The following PTPRN2 variants were observed in gnomAD, a reference collection of about 807,000 sequenced individuals.
The protein encoded by PTPRN2 is protein tyrosine phosphatase receptor type N2, also known as receptor-type tyrosine-protein phosphatase N2.
A neutral mutation model predicts 118.8 loss-of-function variants in PTPRN2; 74 were observed. The ratio of observed to expected loss-of-function variants is 0.62; its 90% confidence interval spans 0.52 to 0.76. The LOEUF (loss-of-function observed/expected upper bound fraction) is 0.76, where lower values mean the gene tolerates loss of function less well. Ranked by LOEUF, PTPRN2 falls within the 30% of genes least tolerant of loss-of-function variation. The pLI, the probability that PTPRN2 is intolerant of heterozygous loss-of-function variation, is 0.00. For missense variants in PTPRN2, 1,481 were observed against 1,394.4 expected (o/e 1.06, Z -0.99); for synonymous variants, 641 against 608.0 (o/e 1.05, Z -0.80).
At chr7:158,087,158 T>G (rs1472436594) in intron 10 of PTPRN2, among the ~76,000 whole-genome samples, 1 of 152,176 alleles carries the variant, frequency 6.6e-6, no homozygotes, top group Non-Finnish European at 1.5e-5. Flanking sequence ...CTGCTCCTCC[T>G]CCAAATTCTT....
At chr7:158,277,510 C>T (rs535242725) in intron 3 of PTPRN2, among the ~76,000 whole-genome samples, 5 of 152,298 alleles carry the variant, frequency 3.3e-5, no homozygotes, top group East Asian at 3.9e-4. Context: ...CAAGAGGAGG[C>T]GGCTACAGTG....
intron 12 of PTPRN2, among the ~76,000 whole-genome samples, chr7:157,890,040 A>C (rs1350176847): frequency 6.6e-6 from 1 of 151,732 alleles, no homozygotes; most frequent in African/African-American, 2.4e-5. Flanking sequence ...GTTAATGATG[A>C]GTTACCTTGC....
intron 11 of PTPRN2, among the ~76,000 whole-genome samples, chr7:157,920,202 T>C (rs1034852980): frequency 6.6e-6 from 1 of 151,950 alleles, no homozygotes; most frequent in African/African-American, 2.4e-5. Context: ...ACAAAGAAAA[T>C]AAAAATTACT....
intron 2 of PTPRN2, among the ~76,000 whole-genome samples, chr7:158,433,699 A>C (rs897204149): frequency 1.3e-5 from 2 of 151,552 alleles, no homozygotes; most frequent in Non-Finnish European, 2.9e-5. Flanking sequence ...CTATTACATT[A>C]TTTTTCTTTT....
Position 157,563,412 on chromosome 7 carries a change from G to A in PTPRN2, c.2902+5490C>T, listed in dbSNP as rs1367451809. Among the ~76,000 whole-genome samples the A allele has an allele frequency of 1.4e-4, 6 of 42,784 alleles. 1 individual carries two copies. The highest frequency in any genetic ancestry group is 4.5e-4 in the Admixed American group (2 of 4,396). The allele number at this position is 42,784 out of a possible 152,430, so 28.1% of individuals were successfully genotyped here. On this transcript the variant is annotated intron_variant, in intron 21 of 22. Transcript: ENST00000389418. ...ACGTGGTCCCGCATCACCACACACAGCAGATCAGGACCACGTGCTCCCACG... is the reference window on the plus strand; with the variant it reads ...ACGTGGTCCCGCATCACCACACACAACAGATCAGGACCACGTGCTCCCACG...
chr7:157,890,118 C>G (rs892721), intron 12 of PTPRN2, among the ~76,000 whole-genome samples: 130,398 of 151,748 alleles, frequency 0.86, 56,157 homozygotes, highest in East Asian at 1. Context: ...TTTCCTTGCT[C>G]GATGGAGTGT....
intron 5 of PTPRN2, among the ~76,000 whole-genome samples, chr7:158,188,869 G>C (rs1218512887): frequency 4.6e-5 from 7 of 152,306 alleles, no homozygotes; most frequent in African/African-American, 1.7e-4. Flanking sequence ...AAAGACTTCA[G>C]TAAATACAAC....
At chr7:158,234,346 A>G (rs1829377746) in intron 3 of PTPRN2, among the ~76,000 whole-genome samples, 1 of 152,322 alleles carries the variant, frequency 6.6e-6, no homozygotes, top group Admixed American at 6.5e-5. Flanking sequence ...AAACATATAA[A>G]TGGCCAACAG....
chr7:158,564,618 A>C (rs1827567668), intron 1 of PTPRN2, among the ~76,000 whole-genome samples: 4 of 149,532 alleles, frequency 2.7e-5, no homozygotes, highest in East Asian at 2.1e-4. Flanking sequence ...CCCCCTGCCC[A>C]CCCTTCATGC....
Position 157,560,465 on chromosome 7 carries a change from G to GC in PTPRN2, c.2902+8436dup, listed in dbSNP as rs1341086767. On this transcript the variant is annotated intron_variant, in intron 21 of 22. Transcript: ENST00000389418. This position sits in a 1 kb window ranked among gnomAD's most constrained non-coding sequence, Gnocchi z 6.7. ...GCCCTGCCTGGGTGGGGTCAGCCACGCCCCCGGACCACTGCTCCAACCAGC... is the reference window on the plus strand; with the variant it reads ...GCCCTGCCTGGGTGGGGTCAGCCACGCCCCCCGGACCACTGCTCCAACCAGC... 1.3e-5 allele frequency among the ~76,000 whole-genome samples: 2 copies of GC among 152,074 alleles called. No homozygotes were observed. Among genetic ancestry groups the GC allele is most frequent in the Admixed American group, 1.3e-4 (2 of 15,278 alleles).
chr7:157,915,905 A>G (rs1798368297), intron 11 of PTPRN2, among the ~76,000 whole-genome samples: 1 of 152,238 alleles, frequency 6.6e-6, no homozygotes, highest in Non-Finnish European at 1.5e-5. Flanking sequence ...GCGTACCAGC[A>G]GAAATGGGAA....
At chr7:158,471,989 G>A (rs966753707) in intron 2 of PTPRN2, among the ~76,000 whole-genome samples, 14 of 151,906 alleles carry the variant, frequency 9.2e-5, no homozygotes, top group African/African-American at 2.9e-4. Flanking sequence ...CCACGGTTCC[G>A]GCCCCGCCAC....
At chr7:158,435,479 G>A (rs1013852640) in intron 2 of PTPRN2, among the ~76,000 whole-genome samples, 9 of 151,954 alleles carry the variant, frequency 5.9e-5, no homozygotes, top group Non-Finnish European at 1.2e-4. Context: ...ATACTGTTGT[G>A]GGAATGCAAA....
chr7:158,472,489 A>G (rs1368297684), intron 2 of PTPRN2, among the ~76,000 whole-genome samples: 5 of 152,200 alleles, frequency 3.3e-5, no homozygotes, highest in African/African-American at 1.2e-4. Flanking sequence ...GTGCACTATT[A>G]TTACTTTACG....
intron 10 of PTPRN2, among the ~76,000 whole-genome samples, chr7:158,086,903 T>C (rs1195557488): frequency 6.6e-6 from 1 of 152,218 alleles, no homozygotes; most frequent in Non-Finnish European, 1.5e-5. Context: ...CTTCTTCACA[T>C]TTTTCAATTT....
intron 1 of PTPRN2, chr7:158,539,765 G>A (rs1009372679): frequency 5.1e-5 from 13 of 257,106 alleles, no homozygotes; most frequent in African/African-American, 1.4e-4. Flanking sequence ...GGAACCGGAC[G>A]GTGCACTGTG....
intron 11 of PTPRN2, among the ~76,000 whole-genome samples, chr7:158,016,024 G>A (rs548311029): frequency 8.5e-5 from 13 of 152,268 alleles, no homozygotes; most frequent in African/African-American, 2.9e-4. Context: ...TGGAAAACAC[G>A]CACAGTGCAT....
intron 5 of PTPRN2, among the ~76,000 whole-genome samples, chr7:158,178,592 T>TC (rs199847726): frequency 0.17 from 2,180 of 12,886 alleles, 147 homozygotes; most frequent in African/African-American, 0.28. Context: ...TTTCTTTCTT[T>TC]TTTTTTTTTT....
intron 13 of PTPRN2, among the ~76,000 whole-genome samples, chr7:157,669,287 G>A (rs760949146): frequency 5.9e-5 from 9 of 152,220 alleles, no homozygotes; most frequent in Non-Finnish European, 8.8e-5. Flanking sequence ...GATCTAAGCC[G>A]GGGACGTCCT....
Sources: allele counts gnomAD v4.1 joint callset (sites outside exome capture counted in the v4.1 genomes callset), GRCh38; gene constraint gnomAD v4.1.1; non-coding constraint Gnocchi (gnomAD v3.1); transcripts MANE v1.5; gene names NCBI Gene and HGNC (gene_info 2026-07-23, HGNC 2026-07-21).